Variants in MMAA observed in about 807,000 individuals in gnomAD.
The protein encoded by MMAA is metabolism of cobalamin associated A.
MMAA carries 41 observed loss-of-function variants against 45.0 expected under a neutral mutation model. That is an observed-to-expected ratio of 0.91 (90% CI 0.71 to 1.18). The LOEUF is 1.18. MMAA is among the 50% of genes most tolerant of loss of function. The probability of loss-of-function intolerance (pLI) is 0.00; values close to 1 mark genes in which losing one functional copy is unlikely to be tolerated. For missense variants in MMAA, 460 were observed against 495.7 expected (o/e 0.93, Z 0.68); for synonymous variants, 154 against 178.2 (o/e 0.86, Z 1.08).
intron 1 of MMAA, chr4:145,625,581 G>T (rs1490013102): frequency 4.8e-5 from 37 of 773,136 alleles, no homozygotes; most frequent in Middle Eastern, 2.7e-4. Flanking sequence ...CCTAAATATG[G>T]TGATGGTCTG....
chr4:145,631,395 A>G (rs1054642174), intron 1 of MMAA, among the ~76,000 whole-genome samples: 11 of 152,078 alleles, frequency 7.2e-5, no homozygotes, highest in African/African-American at 2.7e-4. Context: ...ATCACTATCT[A>G]GTGACCTTCC....
At chr4:145,640,485 A>T (rs1338895231) in intron 2 of MMAA, among the ~76,000 whole-genome samples, 1 of 152,078 alleles carries the variant, frequency 6.6e-6, no homozygotes, top group Non-Finnish European at 1.5e-5. Context: ...GCTTGGCTCC[A>T]ATATCATGCC....
In MMAA at chr4:145,639,105, A is replaced by T. The variant is rs150259804; in HGVS notation, c.-35A>T. On this transcript the variant is annotated 5_prime_UTR_variant, in exon 2 of 7. Coordinates refer to ENST00000649156, the MANE Select transcript of MMAA (RefSeq NM_172250.3). The stretch of plus-strand genomic sequence containing the variant: ...TCACAATCACATTGAGCCAAAACGC[A>T]TCCAGTGTTTTCTCCAGTTACAAAT... 997 of 1,602,752 alleles carry T rather than the reference A, an allele frequency of 6.2e-4. 4 individuals are homozygous for T. The African/African-American group carries it at 0.012, about 19-fold the overall frequency.
chr4:145,622,133 T>A (rs971713141), intron 1 of MMAA, among the ~76,000 whole-genome samples: 1 of 152,172 alleles, frequency 6.6e-6, no homozygotes, highest in African/African-American at 2.4e-5. Context: ...ACAATCCCCA[T>A]GTGTCATGGG....
intron 1 of MMAA, chr4:145,624,451 C>G (rs1734155026): frequency 2.4e-6 from 2 of 831,668 alleles, no homozygotes; most frequent in African/African-American, 3.4e-5. Context: ...TGTTTGCCAG[C>G]TTTGTCTTCA....
chr4:145,628,864 AAT>A (rs1046262893), intron 1 of MMAA, among the ~76,000 whole-genome samples: 1 of 152,132 alleles, frequency 6.6e-6, no homozygotes, highest in African/African-American at 2.4e-5. Context: ...TATACACATC[AAT>A]ATATATATAG....
chr4:145,634,022 A>G (rs1727540824), intron 1 of MMAA, among the ~76,000 whole-genome samples: 1 of 152,218 alleles, frequency 6.6e-6, no homozygotes, highest in South Asian at 2.1e-4. Flanking sequence ...TGAGTCCAAC[A>G]CAGCACTGGG....
rs781301826 is a variant in MMAA, at chr4:145,642,412, TG to T, written c.491del (p.Gly164GlufsTer14). The T allele has an allele frequency of 6.2e-7, 1 of 1,614,206 alleles. No individual in the cohort carries two copies. ...AGKSTFIEYF[G>X]KMLTERGHKL... ...GAAAATCAACATTTATAGAATATTT[TG>T]GAAAAATGCTTACTGAGAGAGGGCA... On this transcript the variant is annotated frameshift_variant, in exon 3 of 7. Coordinates refer to ENST00000649156, the MANE Select transcript of MMAA (RefSeq NM_172250.3). LOFTEE classifies it high-confidence loss of function.
At chr4:145,646,199 A>T in intron 4 of MMAA, 43 bp downstream of exon 4, 7 of 1,609,508 alleles carry the variant, frequency 4.3e-6, no homozygotes, top group Non-Finnish European at 6.0e-6. Flanking sequence ...CTATTTTATG[A>T]ATGCTATATA....
Position 145,639,494 on chromosome 4 carries a change from G to A in MMAA, c.355G>A (p.Ala119Thr). 1 of 1,613,990 alleles carries A rather than the reference G, an allele frequency of 6.2e-7. No homozygotes were observed. Among genetic ancestry groups the A allele is most frequent in the Middle Eastern group, 1.6e-4 (1 of 6,062 alleles). ...AACTCACAGCAGGAAAAAGGAGTTAGCCCAGGTGCTTCTTCAGAAAGTATT... is the reference window on the plus strand; with the variant it reads ...AACTCACAGCAGGAAAAAGGAGTTAACCCAGGTGCTTCTTCAGAAAGTATT... ...ESTHSRKKEL[A>T]QVLLQKVLLY... The change falls in exon 2 of 7, where the codon GCC becomes ACC. Residue 119 changes from alanine (A) to threonine (T), a missense_variant. By Grantham distance (58) the Ala-to-Thr change is moderately conservative. Coordinates refer to ENST00000649156, the MANE Select transcript of MMAA (RefSeq NM_172250.3).
At chr4:145,652,212 GT>G (rs1728112168) in intron 5 of MMAA, among the ~76,000 whole-genome samples, 1 of 152,116 alleles carries the variant, frequency 6.6e-6, no homozygotes, top group East Asian at 1.9e-4. Context: ...ATATTGATGT[GT>G]ATCACCAACC....
intron 1 of MMAA, among the ~76,000 whole-genome samples, chr4:145,628,912 T>C (rs893655584): frequency 1.3e-5 from 2 of 152,162 alleles, no homozygotes; most frequent in Non-Finnish European, 2.9e-5. Context: ...GGGGAGGGTG[T>C]CAATGTGTGT....
rs953834878 is a variant in MMAA, at chr4:145,658,390, C to A, written c.*2956C>A. ...AATTCTGAAAAAAATCTCATAGGTTCACTTTGCCTTGTCAAGAATATGATT... is the reference window on the plus strand; with the variant it reads ...AATTCTGAAAAAAATCTCATAGGTTAACTTTGCCTTGTCAAGAATATGATT... On this transcript the variant is annotated 3_prime_UTR_variant, in exon 7 of 7. Coordinates refer to ENST00000649156, the MANE Select transcript of MMAA (RefSeq NM_172250.3). The A allele has an allele frequency of 1.3e-5, 2 of 152,228 alleles. No individual in the cohort carries two copies. The highest frequency in any genetic ancestry group is 4.1e-4 in the South Asian group (2 of 4,824). 9.4% of individuals were successfully genotyped at this position (152,228 alleles called of 1,614,324 possible).
chr4:145,619,667 T>C (rs1013741716), intron 1 of MMAA, among the ~76,000 whole-genome samples: 6 of 152,196 alleles, frequency 3.9e-5, no homozygotes, highest in African/African-American at 1.4e-4. Context: ...AACAGTGTTT[T>C]AAAATTCTCA....
At chr4:145,623,604 T>C (rs971693394) in intron 1 of MMAA, among the ~76,000 whole-genome samples, 17 of 152,210 alleles carry the variant, frequency 1.1e-4, no homozygotes, top group Non-Finnish European at 1.8e-4. Context: ...ATTATTAATA[T>C]ATATTTTGGT....
intron 3 of MMAA, among the ~76,000 whole-genome samples, chr4:145,644,019 T>G (rs1727862788): frequency 6.6e-6 from 1 of 152,202 alleles, no homozygotes; most frequent in Non-Finnish European, 1.5e-5. Flanking sequence ...TTCTACCTTA[T>G]TGTATCAGTG....
At chr4:145,647,232 G>T (rs1185384434) in intron 4 of MMAA, among the ~76,000 whole-genome samples, 1 of 152,128 alleles carries the variant, frequency 6.6e-6, no homozygotes, top group Non-Finnish European at 1.5e-5. Context: ...GAAGGAAGGG[G>T]AATTGCAGAT....
chr4:145,621,707 G>T (rs1444174589), intron 1 of MMAA, among the ~76,000 whole-genome samples: 1 of 152,186 alleles, frequency 6.6e-6, no homozygotes, highest in South Asian at 2.1e-4. Context: ...TTGCCTGTAC[G>T]AATTGTGCTG....
rs781525637 is a variant in MMAA at position 145,646,125 on chromosome 4, G to T, written c.702G>T (p.Ala234=). The change falls in exon 4 of 7, where the codon GCG becomes GCT. Residue 234 remains alanine, a synonymous_variant. Coordinates refer to ENST00000649156, the MANE Select transcript of MMAA (RefSeq NM_172250.3). ...TNEAILLCEG[A]GYDIILIETV... ...AAGCTATTCTGTTGTGTGAAGGAGC[G>T]GGATATGACATAATTCTTATTGAAA... The T allele has an allele frequency of 6.2e-7, 1 of 1,613,986 alleles. No homozygotes were observed. The highest frequency in any genetic ancestry group is 1.7e-5 in the Admixed American group (1 of 60,022).
Sources: gnomAD v4.1 joint callset for allele counts (sites outside exome capture counted in the v4.1 genomes callset) on GRCh38, gnomAD v4.1.1 for gene constraint, MANE v1.5 for transcripts, NCBI Gene and HGNC (gene_info 2026-07-23, HGNC 2026-07-21) for gene names.